ZNF827: variants seen among roughly 807,000 people sequenced by gnomAD.
ZNF827 encodes the protein zinc finger protein 827.
Under a neutral mutation model 102.4 loss-of-function variants are expected in ZNF827, and 13 were observed. The ratio of observed to expected loss-of-function variants is 0.13; its 90% CI spans 0.08 to 0.20. The LOEUF is 0.20. ZNF827 is among the 10% of genes least tolerant of loss of function. The pLI is 1.00. For synonymous variants in ZNF827, 523 were observed against 536.2 expected (o/e 0.98, Z 0.34); for missense variants, 1,103 against 1,344.4 (o/e 0.82, Z 2.81).
At chr4:145,888,367 T>C (rs565642674) in intron 3 of ZNF827, among the ~76,000 whole-genome samples, 3 of 152,242 alleles carry the variant, frequency 2.0e-5, no homozygotes, top group Non-Finnish European at 4.4e-5. Flanking sequence ...CTTCTTAGTC[T>C]ACTAAAATGA....
At chr4:145,865,695 T>C (rs1748119857) in intron 5 of ZNF827, among the ~76,000 whole-genome samples, 1 of 152,174 alleles carries the variant, frequency 6.6e-6, no homozygotes, top group Non-Finnish European at 1.5e-5. Flanking sequence ...TTCCACTCAA[T>C]ACTGAAATGA....
intron 1 of ZNF827, among the ~76,000 whole-genome samples, chr4:145,916,390 C>A (rs968945960): frequency 1.3e-5 from 2 of 151,378 alleles, no homozygotes; most frequent in South Asian, 4.1e-4. Context: ...ATGAGCCGTA[C>A]GGGAATGTGG....
chr4:145,885,638 GAGA>G (rs2126821597), intron 4 of ZNF827, 37 bp downstream of exon 4: 1 of 1,504,918 alleles, frequency 6.6e-7, no homozygotes, highest in Non-Finnish European at 8.9e-7. Context: ...GAGAGAGAGA[GAGA>G]GAGAGAGAGA....
At position 145,838,334 on chromosome 4, in the gene ZNF827, C is replaced by T. The variant is rs1166003360; in HGVS notation, c.2279+7622G>A. Among the ~76,000 whole-genome samples the T allele has an allele frequency of 5.9e-5, 9 of 152,266 alleles. No homozygotes were observed. The East Asian group carries it at 1.7e-3, about 29-fold the overall frequency. On this transcript the variant is annotated intron_variant, in intron 7 of 14. Transcript: ENST00000508784. The stretch of plus-strand genomic sequence containing the variant: ...CTCCTGCCCGCCAGAGAACAAAACC[C>T]CTTTGACTGTAATTTTCTTTTACCT...
intron 11 of ZNF827, among the ~76,000 whole-genome samples, chr4:145,768,890 A>AAAAAT (rs1553975847): frequency 1.3e-4 from 1 of 7,722 alleles, no homozygotes; most frequent in Non-Finnish European, 3.2e-4. Context: ...AAAAAAAAAA[A>AAAAAT]ATATATATAT....
chr4:145,811,767 A>T (rs575803635), intron 8 of ZNF827, among the ~76,000 whole-genome samples: 1 of 152,234 alleles, frequency 6.6e-6, no homozygotes, highest in African/African-American at 2.4e-5. Flanking sequence ...AGAGACTCCA[A>T]TGTGAACTTT....
intron 1 of ZNF827, among the ~76,000 whole-genome samples, chr4:145,914,590 C>A (rs1216438488): frequency 6.6e-6 from 1 of 152,150 alleles, no homozygotes; most frequent in Non-Finnish European, 1.5e-5. Flanking sequence ...TCCCTGCCCA[C>A]CTTCTGGTAC....
At chr4:145,924,118 TAACC>T (rs1470084146) in intron 1 of ZNF827, among the ~76,000 whole-genome samples, 1 of 152,144 alleles carries the variant, frequency 6.6e-6, no homozygotes, top group African/African-American at 2.4e-5. Context: ...CCCAGAAAGG[TAACC>T]ATTGAATGAA....
intron 5 of ZNF827, among the ~76,000 whole-genome samples, chr4:145,852,970 T>A (rs755183102): frequency 1.4e-3 from 206 of 152,310 alleles, no homozygotes; most frequent in Non-Finnish European, 2.5e-3. Flanking sequence ...TGACTGCAGA[T>A]GTTGCCAAAT....
At chr4:145,805,705 G>C (rs62345785) in intron 8 of ZNF827, among the ~76,000 whole-genome samples, 1 of 152,118 alleles carries the variant, frequency 6.6e-6, no homozygotes, top group Admixed American at 6.5e-5. Flanking sequence ...TGCAATGAAA[G>C]CCCAAGTCCA....
intron 8 of ZNF827, among the ~76,000 whole-genome samples, chr4:145,787,718 T>C (rs528764311): frequency 6.6e-6 from 1 of 152,142 alleles, no homozygotes; most frequent in Admixed American, 6.5e-5. Context: ...ACCCATCTGA[T>C]AGAATTCAGG....
At chr4:145,790,083 A>G (rs10008258) in intron 8 of ZNF827, among the ~76,000 whole-genome samples, 61,192 of 152,122 alleles carry the variant, frequency 0.4, 14,004 homozygotes, top group Non-Finnish European at 0.54. Context: ...TGTTCTTTCA[A>G]CTTTTCCCAG....
chr4:145,871,086 T>C lies in ZNF827; in HGVS notation c.1748-608A>G, dbSNP rs768027663. Among the ~76,000 whole-genome samples, 60 of 152,122 alleles carry C rather than the reference T, an allele frequency of 3.9e-4. 1 individual carries two copies. Among genetic ancestry groups the C allele is most frequent in the Non-Finnish European group, 7.4e-4 (50 of 68,002 alleles). On this transcript the variant is annotated intron_variant, in intron 4 of 14. Coordinates refer to ENST00000508784, the MANE Select transcript of ZNF827 (RefSeq NM_001306215.2). Reference sequence around the variant, plus strand: ...AAATCCATGTCTGTAGCCCAAGTCATCACTGAGTCCAAAATGGCCTTTTTT... The same window carrying C: ...AAATCCATGTCTGTAGCCCAAGTCACCACTGAGTCCAAAATGGCCTTTTTT...
intron 1 of ZNF827, among the ~76,000 whole-genome samples, chr4:145,918,664 T>G (rs1042440568): frequency 6.6e-6 from 1 of 152,170 alleles, no homozygotes; most frequent in Admixed American, 6.5e-5. Flanking sequence ...AAACCACACA[T>G]AGAGGAAGCC....
intron 8 of ZNF827, among the ~76,000 whole-genome samples, chr4:145,815,206 A>G (rs549297185): frequency 1.3e-5 from 2 of 152,236 alleles, no homozygotes; most frequent in Non-Finnish European, 2.9e-5. Flanking sequence ...AAAGAGCTCC[A>G]GGGACCTTGA....
intron 7 of ZNF827, among the ~76,000 whole-genome samples, chr4:145,828,525 A>G (rs1743897706): frequency 6.6e-6 from 1 of 152,180 alleles, no homozygotes; most frequent in African/African-American, 2.4e-5. Context: ...TAATTCATAA[A>G]TATTCAGTAA....
intron 10 of ZNF827, among the ~76,000 whole-genome samples, chr4:145,775,014 A>G (rs867097448): frequency 1.3e-5 from 2 of 152,214 alleles, no homozygotes. Flanking sequence ...TAGCATTGCC[A>G]AGGTATTTAG....
chr4:145,903,278 T>C (rs769324277), intron 1 of ZNF827, 63 bp from the exon 2 acceptor site: 1 of 1,522,500 alleles, frequency 6.6e-7, no homozygotes, highest in East Asian at 2.3e-5. Flanking sequence ...TCTCAAGACA[T>C]TCAAATGGAG....
chr4:145,772,983 C>G (rs1267909243), intron 11 of ZNF827, among the ~76,000 whole-genome samples: 1 of 152,056 alleles, frequency 6.6e-6, no homozygotes, highest in East Asian at 1.9e-4. Flanking sequence ...CATATGGTTT[C>G]TATGGTTTCT....
Sources: gnomAD v4.1 joint callset for allele counts (sites outside exome capture counted in the v4.1 genomes callset) on GRCh38, gnomAD v4.1.1 for gene constraint, MANE v1.5 for transcripts, NCBI Gene and HGNC (gene_info 2026-07-23, HGNC 2026-07-21) for gene names.